The following BAZ1A variants were observed in gnomAD, a reference collection of about 807,000 sequenced individuals.
The protein encoded by BAZ1A is bromodomain adjacent to zinc finger domain protein 1A.
Under a neutral mutation model 185.2 loss-of-function variants are expected in BAZ1A, and 50 were observed. The ratio of observed to expected loss-of-function variants is 0.27; its 90% CI spans 0.22 to 0.34. BAZ1A has a LOEUF of 0.34. BAZ1A is among the 10% of genes least tolerant of loss of function. BAZ1A has a pLI of 1.00. For synonymous variants in BAZ1A, 571 were observed against 615.6 expected (o/e 0.93, Z 1.07); for missense variants, 1,356 against 1,839.9 (o/e 0.74, Z 4.81).
Position 34,799,333 on chromosome 14 carries a change from T to C in BAZ1A, c.1128+891A>G, listed in dbSNP as rs374870361. 4.5e-4 allele frequency among the ~76,000 whole-genome samples: 69 copies of C among 152,102 alleles called. No individual in the cohort carries two copies. In the South Asian group the frequency reaches 0.014, roughly 30 times the overall value. Reference sequence around the variant, plus strand: ...AATGAACATGGCACATGTATACCTATGTAACAAACCTGCACATTGTGCACA... The same window carrying C: ...AATGAACATGGCACATGTATACCTACGTAACAAACCTGCACATTGTGCACA... On this transcript the variant is annotated intron_variant, in intron 9 of 26. Coordinates refer to ENST00000360310, the MANE Select transcript of BAZ1A (RefSeq NM_013448.3).
rs1304823465 is a variant in BAZ1A, at chr14:34,802,932, A to G, written c.783T>C (p.Pro261=). The G allele has an allele frequency of 1.2e-6, 2 of 1,612,934 alleles. No individual in the cohort carries two copies. Among genetic ancestry groups the G allele is most frequent in the East Asian group, 2.2e-5 (1 of 44,878 alleles). The change falls in exon 7 of 27, where the codon CCT becomes CCC. Residue 261 remains proline, a synonymous_variant. Transcript: ENST00000360310. ...TGAAGATAAATGTGGGTGGATCATC[A>G]GGGAAGAAATAAGAAAAATCTTGTT... ...IAEQDFSYFF[P]DDPPTFIFSP...
At chr14:34,866,349 G>A (rs750770200) in intron 2 of BAZ1A, among the ~76,000 whole-genome samples, 10 of 151,018 alleles carry the variant, frequency 6.6e-5, no homozygotes, top group Non-Finnish European at 8.9e-5. Flanking sequence ...CCAGGTCCAC[G>A]TGGTGGCACA....
rs374042721 is a variant in BAZ1A, at chr14:34,810,486, C to T, written c.638+449G>A. ...TGTCTAATGAATACTACAAACGTGA[C>T]GTTTATAAGCACCTTTATTAACATT... is the stretch of plus-strand genomic sequence containing the variant. On this transcript the variant is annotated intron_variant, in intron 5 of 26. Transcript: ENST00000360310. 9.1e-4 allele frequency among the ~76,000 whole-genome samples: 138 copies of T among 152,230 alleles called. 1 individual carries two copies. The highest frequency in any genetic ancestry group is 3.1e-3 in the African/African-American group (129 of 41,538).
chr14:34,788,273 A>G (rs1880619484), intron 12 of BAZ1A, among the ~76,000 whole-genome samples: 1 of 151,970 alleles, frequency 6.6e-6, no homozygotes. Context: ...TATTGCTTGG[A>G]TTACAAGCGT....
At chr14:34,830,768 C>A (rs1260128150) in intron 3 of BAZ1A, among the ~76,000 whole-genome samples, 1 of 144,998 alleles carries the variant, frequency 6.9e-6, no homozygotes, top group East Asian at 2.0e-4. Flanking sequence ...CTCTACAACT[C>A]CTTTTTTTTT....
chr14:34,808,221 C>G (rs1474982846), intron 5 of BAZ1A, among the ~76,000 whole-genome samples: 1 of 151,942 alleles, frequency 6.6e-6, no homozygotes, highest in Non-Finnish European at 1.5e-5. Context: ...AGGCCAGGCA[C>G]AGTGGCTCAC....
At chr14:34,783,719 A>ATGTGT in intron 15 of BAZ1A, 43 bp downstream of exon 15, 1 of 1,582,514 alleles carries the variant, frequency 6.3e-7, no homozygotes, top group Non-Finnish European at 8.6e-7. Flanking sequence ...ATGCAAAGAA[A>ATGTGT]TAAACAGCTT....
At chr14:34,849,278 G>C (rs1036314854) in intron 3 of BAZ1A, among the ~76,000 whole-genome samples, 1 of 152,172 alleles carries the variant, frequency 6.6e-6, no homozygotes, top group Admixed American at 6.6e-5. Flanking sequence ...GAGTGAGACT[G>C]TCTCTCAAAA....
intron 5 of BAZ1A, among the ~76,000 whole-genome samples, chr14:34,809,263 C>G (rs2041894556): frequency 6.6e-6 from 1 of 152,174 alleles, no homozygotes; most frequent in Non-Finnish European, 1.5e-5. Context: ...AACAAGGACT[C>G]TGCTACATCT....
intron 2 of BAZ1A, among the ~76,000 whole-genome samples, chr14:34,870,661 C>T (rs1202225248): frequency 6.6e-6 from 1 of 152,184 alleles, no homozygotes; most frequent in Non-Finnish European, 1.5e-5. Context: ...TTTCTTAATG[C>T]ATACTTCAAC....
intron 21 of BAZ1A, among the ~76,000 whole-genome samples, chr14:34,767,677 G>C (rs1180004678): frequency 6.6e-6 from 1 of 152,144 alleles, no homozygotes; most frequent in Admixed American, 6.6e-5. Context: ...GTTCTGGCCT[G>C]AGCAGGGCCT....
intron 11 of BAZ1A, among the ~76,000 whole-genome samples, chr14:34,793,215 A>T (rs1880963117): frequency 6.6e-6 from 1 of 152,246 alleles, no homozygotes; most frequent in Non-Finnish European, 1.5e-5. Context: ...GGCACATTTT[A>T]AAAATTACAA....
intron 3 of BAZ1A, among the ~76,000 whole-genome samples, chr14:34,832,064 T>G (rs887324093): frequency 1.3e-5 from 2 of 151,422 alleles, no homozygotes; most frequent in Non-Finnish European, 2.9e-5. Context: ...CATAGTGGTG[T>G]GCACTTGCAG....
chr14:34,803,184 T>C (rs1881663340), intron 6 of BAZ1A, among the ~76,000 whole-genome samples, 196 bp from the exon 7 acceptor site: 1 of 151,984 alleles, frequency 6.6e-6, no homozygotes, highest in Admixed American at 6.6e-5. Context: ...ATCGAGACCA[T>C]CCTGCCCAAT....
chr14:34,852,174 AAAAC>A (rs2042608487), intron 3 of BAZ1A, among the ~76,000 whole-genome samples: 1 of 152,084 alleles, frequency 6.6e-6, no homozygotes, highest in African/African-American at 2.4e-5. Context: ...ATCATCTTAA[AAAAC>A]AAACAAAAAA....
At chr14:34,842,373 G>T (rs897578375) in intron 3 of BAZ1A, among the ~76,000 whole-genome samples, 1 of 152,110 alleles carries the variant, frequency 6.6e-6, no homozygotes, top group Non-Finnish European at 1.5e-5. Context: ...TACTAGAAAA[G>T]AAAAAGGCTT....
At position 34,833,545 on chromosome 14, in the gene BAZ1A, C is replaced by T. The variant is rs957434764; in HGVS notation, c.393-7389G>A. On this transcript the variant is annotated intron_variant, in intron 3 of 26. Coordinates refer to ENST00000360310, the MANE Select transcript of BAZ1A (RefSeq NM_013448.3). ...TCCATCTCACAAAACAAAACAAAAACCCCAAGCAAACAAAAAAGAAAACAT... is the reference window on the plus strand; with the variant it reads ...TCCATCTCACAAAACAAAACAAAAATCCCAAGCAAACAAAAAAGAAAACAT... Among the ~76,000 whole-genome samples the T allele has an allele frequency of 3.9e-5, 6 of 151,918 alleles. No homozygotes were observed. In the South Asian group the frequency reaches 1.2e-3, roughly 32 times the overall value.
chr14:34,755,696 G>C (rs1228332697), intron 25 of BAZ1A, among the ~76,000 whole-genome samples: 1 of 150,994 alleles, frequency 6.6e-6, no homozygotes, highest in Non-Finnish European at 1.5e-5. Flanking sequence ...CCATAACTTT[G>C]TTCTATCTTT....
At chr14:34,836,048 T>G (rs1159347037) in intron 3 of BAZ1A, among the ~76,000 whole-genome samples, 1 of 151,838 alleles carries the variant, frequency 6.6e-6, no homozygotes, top group African/African-American at 2.4e-5. Flanking sequence ...CATTTAAATT[T>G]ATATCTCAAA....
Sources: allele counts gnomAD v4.1 joint callset (sites outside exome capture counted in the v4.1 genomes callset), GRCh38; gene constraint gnomAD v4.1.1; transcripts MANE v1.5; gene names NCBI Gene and HGNC (gene_info 2026-07-23, HGNC 2026-07-21).